FAM135B: variants seen among roughly 807,000 people sequenced by gnomAD.
FAM135B encodes the protein family with sequence similarity 135 member B, also known as protein FAM135B.
A neutral mutation model predicts 127.7 loss-of-function variants in FAM135B; 43 were observed. The observed-to-expected ratio is 0.34, with a 90% CI of 0.26 to 0.43. The LOEUF is 0.43. Among genes scored for constraint, FAM135B ranks in the 20% least tolerant of loss-of-function variants. The pLI is 1.00. For missense variants in FAM135B, 1,558 were observed against 1,725.6 expected (o/e 0.90, Z 1.72); for synonymous variants, 670 against 665.1 (o/e 1.01, Z -0.11).
chr8:138,316,750 G>T (rs908578572), intron 2 of FAM135B, among the ~76,000 whole-genome samples: 1 of 152,094 alleles, frequency 6.6e-6, no homozygotes. Context: ...GGAGGCCAAG[G>T]CAGGTAGATC....
At position 138,497,195 on chromosome 8, in the gene FAM135B, G is replaced by A. The variant is rs1381744676; in HGVS notation, c.-544C>T. 6.6e-6 allele frequency among the ~76,000 whole-genome samples: 1 copy of A among 151,030 alleles called. No homozygotes were observed. The highest frequency in any genetic ancestry group is 1.5e-5 in the Non-Finnish European group (1 of 67,706). On this transcript the variant is annotated 5_prime_UTR_variant, in exon 1 of 20. Transcript: ENST00000395297. ...CGCGCCCTCGCGGCCGGGAGAGCCC[G>A]CCCTGCTGCTCCCGCTGGCTCCGCT...
At chr8:138,403,695 T>C (rs1259551421) in intron 1 of FAM135B, among the ~76,000 whole-genome samples, 1 of 152,112 alleles carries the variant, frequency 6.6e-6, no homozygotes, top group African/African-American at 2.4e-5. Context: ...GAAAACTTGG[T>C]CCCTTTAGCA....
chr8:138,297,261 T>A (rs1228768194), intron 3 of FAM135B, among the ~76,000 whole-genome samples: 1 of 152,238 alleles, frequency 6.6e-6, no homozygotes, highest in Non-Finnish European at 1.5e-5. Context: ...CCGCTGCCGT[T>A]TGAATATTAA....
At chr8:138,375,709 C>T (rs1481171760) in intron 1 of FAM135B, among the ~76,000 whole-genome samples, 1 of 152,112 alleles carries the variant, frequency 6.6e-6, no homozygotes, top group African/African-American at 2.4e-5. Flanking sequence ...TTTCTTTTGG[C>T]ATGTGTGTTG....
intron 2 of FAM135B, among the ~76,000 whole-genome samples, chr8:138,316,956 G>A (rs1246885622): frequency 6.6e-6 from 1 of 151,652 alleles, no homozygotes; most frequent in Non-Finnish European, 1.5e-5. Flanking sequence ...CTCTAGCCTG[G>A]GGGACAGAGC....
chr8:138,132,860 C>A lies in FAM135B; in HGVS notation c.4016-62G>T, dbSNP rs2130492695. The A allele has an allele frequency of 6.9e-7, 1 of 1,443,688 alleles. No homozygotes were observed. Among genetic ancestry groups the A allele is most frequent in the Non-Finnish European group, 9.7e-7 (1 of 1,026,690 alleles). 89.4% of individuals were successfully genotyped at this position (1,443,688 alleles called of 1,614,324 possible). ...GAAATTAGCAGTGGAATCTAGAGAA[C>A]ATCACTAGATGTGTGTCGAAATTCT... On this transcript the variant is annotated intron_variant, in intron 19 of 19. Coordinates refer to ENST00000395297, the MANE Select transcript of FAM135B (RefSeq NM_015912.4). This position sits in a 1 kb window ranked among gnomAD's most constrained non-coding sequence, Gnocchi z 4.5.
intron 12 of FAM135B, among the ~76,000 whole-genome samples, chr8:138,154,021 C>A (rs1818446678): frequency 6.6e-6 from 1 of 152,222 alleles, no homozygotes; most frequent in Admixed American, 6.5e-5. Flanking sequence ...AGTAGCCTAA[C>A]TAGGAGACAC....
chr8:138,342,495 C>G (rs6990842), intron 2 of FAM135B, among the ~76,000 whole-genome samples: 16,887 of 152,180 alleles, frequency 0.11, 1,186 homozygotes, highest in South Asian at 0.23. Flanking sequence ...GACCAAGAGC[C>G]CTTCAGGTGA....
At chr8:138,415,225 A>G (rs1034039239) in intron 1 of FAM135B, among the ~76,000 whole-genome samples, 1 of 152,222 alleles carries the variant, frequency 6.6e-6, no homozygotes, top group East Asian at 1.9e-4. Flanking sequence ...CCTGGAGATT[A>G]GAATAAAAAT....
intron 1 of FAM135B, among the ~76,000 whole-genome samples, chr8:138,427,193 TG>T (rs1036867107): frequency 6.6e-6 from 1 of 151,398 alleles, no homozygotes; most frequent in African/African-American, 2.4e-5. Flanking sequence ...AAGGGAGTTT[TG>T]GGGGTGTAGG....
At chr8:138,273,278 T>C (rs1040852859) in intron 3 of FAM135B, among the ~76,000 whole-genome samples, 4 of 152,228 alleles carry the variant, frequency 2.6e-5, no homozygotes, top group Non-Finnish European at 5.9e-5. Context: ...TGATCTTGGC[T>C]CACTGCAACC....
At chr8:138,362,234 T>G (rs903851053) in intron 2 of FAM135B, among the ~76,000 whole-genome samples, 1 of 151,596 alleles carries the variant, frequency 6.6e-6, no homozygotes, top group Non-Finnish European at 1.5e-5. Flanking sequence ...ATTTCTTTTA[T>G]ACCCATTAAC....
chr8:138,270,117 C>T (rs1465324923), intron 3 of FAM135B, among the ~76,000 whole-genome samples: 1 of 152,090 alleles, frequency 6.6e-6, no homozygotes, highest in Non-Finnish European at 1.5e-5. Flanking sequence ...GTAGGGAGGT[C>T]CAATACATGA....
At chr8:138,174,998 CATTA>C (rs1218909474) in intron 11 of FAM135B, among the ~76,000 whole-genome samples, 3 of 152,170 alleles carry the variant, frequency 2.0e-5, no homozygotes, top group Non-Finnish European at 2.9e-5. Flanking sequence ...ACACTAAATA[CATTA>C]GTTATTGAAT....
At chr8:138,256,639 G>A (rs2130542730) in intron 5 of FAM135B, 50 bp downstream of exon 5, 1 of 1,470,268 alleles carries the variant, frequency 6.8e-7, no homozygotes, top group Non-Finnish European at 9.5e-7. Flanking sequence ...TGGGGAAGCG[G>A]GGAGGAGAGC....
intron 2 of FAM135B, among the ~76,000 whole-genome samples, chr8:138,347,707 G>A (rs1013559852): frequency 9.2e-5 from 14 of 152,108 alleles, no homozygotes; most frequent in Admixed American, 7.2e-4. Context: ...GAAAGTCAGG[G>A]CCTGAGCCAA....
chr8:138,446,168 T>C (rs1836146962), intron 1 of FAM135B, among the ~76,000 whole-genome samples: 1 of 152,296 alleles, frequency 6.6e-6, no homozygotes, highest in African/African-American at 2.4e-5. Context: ...TACAAACAAA[T>C]GGAAGAACAT....
intron 12 of FAM135B, among the ~76,000 whole-genome samples, chr8:138,154,717 A>C (rs897908616): frequency 1.3e-5 from 2 of 152,196 alleles, no homozygotes; most frequent in African/African-American, 4.8e-5. Context: ...AAATGAATGA[A>C]ATGAAGTGAA....
At chr8:138,349,267 G>C (rs1332021805) in intron 2 of FAM135B, among the ~76,000 whole-genome samples, 1 of 152,220 alleles carries the variant, frequency 6.6e-6, no homozygotes, top group Admixed American at 6.5e-5. Context: ...CCCAGAACAT[G>C]TGTTTTGGAA....
Sources: gnomAD v4.1 joint callset for allele counts (sites outside exome capture counted in the v4.1 genomes callset) on GRCh38, gnomAD v4.1.1 for gene constraint, Gnocchi (gnomAD v3.1) non-coding constraint, MANE v1.5 for transcripts, NCBI Gene and HGNC (gene_info 2026-07-23, HGNC 2026-07-21) for gene names.